KCNN2: variants seen among roughly 807,000 people sequenced by gnomAD.
KCNN2 encodes potassium calcium-activated channel subfamily N member 2, also known as small conductance calcium-activated potassium channel protein 2.
KCNN2 carries 24 observed loss-of-function variants against 55.5 expected under a neutral mutation model. That is an observed-to-expected ratio of 0.43 (90% CI 0.31 to 0.61). The LOEUF (loss-of-function observed/expected upper bound fraction) is 0.61. Among genes scored for constraint, KCNN2 ranks in the 20% least tolerant of loss-of-function variants. The pLI is 0.08. For synonymous variants in KCNN2, 431 were observed against 336.1 expected, an observed-to-expected ratio of 1.28 and a Z score of -3.09; for missense variants, 754 against 853.6, an observed-to-expected ratio of 0.88 and a Z score of 1.45.
rs1755156039 is a variant in KCNN2, at chr5:114,263,683, T to C, written c.-185+42118T>C. Among the ~76,000 whole-genome samples, 2 of 152,202 alleles carry C rather than the reference T, an allele frequency of 1.3e-5. 1 individual carries two copies. The highest frequency in any genetic ancestry group is 4.1e-4 in the South Asian group (2 of 4,828). ...TTATAAAATATAGAAAATTTGGTCT[T>C]CAGTCTTTATCATATATGGAAAACC... is the stretch of plus-strand genomic sequence containing the variant. On this transcript the variant is annotated intron_variant, in intron 2 of 10. Coordinates refer to the KCNN2 transcript ENST00000512097.
chr5:114,378,804 C>G (rs1466471072), intron 2 of KCNN2, among the ~76,000 whole-genome samples: 1 of 152,056 alleles, frequency 6.6e-6, no homozygotes, highest in Non-Finnish European at 1.5e-5. Context: ...TTGCCTCAAT[C>G]ATGAAGTGAG....
intron 1 of KCNN2, among the ~76,000 whole-genome samples, chr5:114,160,068 C>T (rs769821088): frequency 1.3e-5 from 2 of 152,124 alleles, no homozygotes; most frequent in Non-Finnish European, 2.9e-5. Flanking sequence ...TTTGCTCTTG[C>T]TTCTCTAGTT....
chr5:114,480,253 A>T (rs1034111184), intron 5 of KCNN2, among the ~76,000 whole-genome samples: 1 of 152,180 alleles, frequency 6.6e-6, no homozygotes, highest in Non-Finnish European at 1.5e-5. Flanking sequence ...TAAACTAGAA[A>T]ATCTAGAAGA....
At position 114,404,695 on chromosome 5, in the gene KCNN2, C is replaced by T. The variant is rs764187333; in HGVS notation, c.1476C>T (p.Phe492=). ...TCATGCTTTTACATAGCAAACTTTT[C>T]ACTGATGCCTCCTCTAGAAGCATTG... The part of the protein sequence containing the change: ...ARVMLLHSKL[F]TDASSRSIGA... Residue 492 remains phenylalanine (F), a synonymous_variant, in exon 3 of 8, where the codon TTC becomes TTT. Coordinates refer to ENST00000673685, the MANE Select transcript of KCNN2 (RefSeq NM_021614.4). The T allele has an allele frequency of 6.2e-7, 1 of 1,613,948 alleles. No homozygotes were observed. The highest frequency in any genetic ancestry group is 1.3e-5 in the African/African-American group (1 of 74,916).
intron 4 of KCNN2, among the ~76,000 whole-genome samples, chr5:114,469,819 T>G (rs1761636733): frequency 6.6e-6 from 1 of 152,076 alleles, no homozygotes; most frequent in African/African-American, 2.4e-5. Flanking sequence ...ACTCTAAAAA[T>G]TAAAAAATAA....
intron 1 of KCNN2, among the ~76,000 whole-genome samples, chr5:114,179,355 C>T (rs549522487): frequency 2.6e-5 from 4 of 152,258 alleles, no homozygotes; most frequent in Admixed American, 1.3e-4. Context: ...TGTGCTTCTC[C>T]GTAGGGCTGA....
chr5:114,476,974 A>C (rs1761995078), intron 5 of KCNN2, among the ~76,000 whole-genome samples: 1 of 67,616 alleles, frequency 1.5e-5, no homozygotes, highest in Admixed American at 1.6e-4. Flanking sequence ...GACTCATATA[A>C]ATGAGTATAA....
rs76543308 is a variant in KCNN2, at chr5:114,327,124, T to C, written c.-184-33821T>C. ...CAATAAAATGTCACATTTTCCCTGA[T>C]CCCAAATGAAAATGATTCTTAGTTT... On this transcript the variant is annotated intron_variant, in intron 2 of 10. Coordinates refer to the KCNN2 transcript ENST00000512097. Among the ~76,000 whole-genome samples the C allele has an allele frequency of 6.4e-3, 968 of 152,270 alleles. 9 individuals carry two copies. Among genetic ancestry groups the C allele is most frequent in the African/African-American group, 0.022 (920 of 41,552 alleles).
At chr5:114,422,968 T>C (rs556412654) in intron 3 of KCNN2, among the ~76,000 whole-genome samples, 3 of 152,262 alleles carry the variant, frequency 2.0e-5, no homozygotes, top group South Asian at 4.1e-4. Context: ...ATTCATGTTA[T>C]GTGGCAAATA....
At chr5:114,289,059 G>T (rs1404867258) in intron 2 of KCNN2, among the ~76,000 whole-genome samples, 1 of 152,062 alleles carries the variant, frequency 6.6e-6, no homozygotes, top group Non-Finnish European at 1.5e-5. Flanking sequence ...TCCCTTGAAC[G>T]TGGATATACA....
At chr5:114,306,700 C>CTTTTTTTTTT (rs1245549186) in intron 2 of KCNN2, among the ~76,000 whole-genome samples, 4 of 115,516 alleles carry the variant, frequency 3.5e-5, no homozygotes, top group African/African-American at 6.6e-5. Flanking sequence ...TTTTTTTTTT[C>CTTTTTTTTTT]TTTTTTTTTT....
At chr5:114,373,194 CTG>C (rs1757817191) in intron 2 of KCNN2, among the ~76,000 whole-genome samples, 1 of 152,028 alleles carries the variant, frequency 6.6e-6, no homozygotes, top group East Asian at 1.9e-4. Context: ...GAGTACTGTG[CTG>C]TGTAAATCTG....
In KCNN2 at chr5:114,486,747, A is replaced by T. The variant is rs187016138; in HGVS notation, c.1891-303A>T. On this transcript the variant is annotated intron_variant, in intron 5 of 7. Coordinates refer to ENST00000673685, the MANE Select transcript of KCNN2 (RefSeq NM_021614.4). ...AATTGCAATACACGGTGGAGAACTC[A>T]ACACCCCTTGATTAAAAAAAAAAAA... 3.1e-4 allele frequency: 406 copies of T among 1,302,060 alleles called. 1 individual carries two copies. The African/African-American group carries it at 5.9e-3, about 19-fold the overall frequency. 80.7% of individuals were successfully genotyped at this position (1,302,060 alleles called of 1,614,324 possible).
chr5:114,145,506 G>T (rs906276556), intron 1 of KCNN2, among the ~76,000 whole-genome samples: 1 of 152,206 alleles, frequency 6.6e-6, no homozygotes, highest in Non-Finnish European at 1.5e-5. Context: ...GAGGGACAGA[G>T]TGACCAGATG....
At chr5:114,140,690 C>T (rs1407758590) in intron 1 of KCNN2, among the ~76,000 whole-genome samples, 1 of 150,634 alleles carries the variant, frequency 6.6e-6, no homozygotes, top group Non-Finnish European at 1.5e-5. Flanking sequence ...CAATGGCTAT[C>T]AAAATATAAA....
chr5:114,172,578 G>T (rs961996928), intron 1 of KCNN2, among the ~76,000 whole-genome samples: 2 of 142,392 alleles, frequency 1.4e-5, no homozygotes, highest in Admixed American at 1.5e-4. Context: ...AATATAAGGA[G>T]ATAACACATA....
At chr5:114,373,834 C>T (rs1757850404) in intron 2 of KCNN2, among the ~76,000 whole-genome samples, 1 of 145,432 alleles carries the variant, frequency 6.9e-6, no homozygotes, top group South Asian at 2.2e-4. Flanking sequence ...TGAGAGAGAA[C>T]AGGAAAAAAA....
chr5:114,456,516 C>A (rs910594290), intron 3 of KCNN2, among the ~76,000 whole-genome samples: 1 of 152,190 alleles, frequency 6.6e-6, no homozygotes, highest in Non-Finnish European at 1.5e-5. Flanking sequence ...AACAAAACAT[C>A]TATTCTGCAG....
chr5:114,143,462 C>G (rs1371691057), intron 1 of KCNN2, among the ~76,000 whole-genome samples: 1 of 152,078 alleles, frequency 6.6e-6, no homozygotes, highest in South Asian at 2.1e-4. Flanking sequence ...GGGAGTATGC[C>G]TTAACCCTAA....
Sources: gnomAD v4.1 joint callset for allele counts (sites outside exome capture counted in the v4.1 genomes callset) on GRCh38, gnomAD v4.1.1 for gene constraint, MANE v1.5 for transcripts, NCBI Gene and HGNC (gene_info 2026-07-23, HGNC 2026-07-21) for gene names.